The following ZNF277 variants were observed in gnomAD, a reference collection of about 807,000 sequenced individuals.
ZNF277 encodes the protein nuclear receptor-interacting factor 4.
In ZNF277, 55 loss-of-function variants were observed where a neutral mutation model predicts 60.7. That is an observed-to-expected ratio of 0.91 (90% confidence interval 0.73 to 1.13). ZNF277 has a LOEUF of 1.13. ZNF277 is among the 50% of genes most tolerant of loss of function. The probability of loss-of-function intolerance (pLI) is 0.00; values close to 1 mark genes in which losing one functional copy is unlikely to be tolerated. For missense variants in ZNF277, 510 were observed against 523.0 expected (o/e 0.98, Z 0.24); for synonymous variants, 178 against 179.3 (o/e 0.99, Z 0.06).
At chr7:112,298,389 A>G (rs1792400265) in intron 4 of ZNF277, among the ~76,000 whole-genome samples, 1 of 152,200 alleles carries the variant, frequency 6.6e-6, no homozygotes, top group South Asian at 2.1e-4. Flanking sequence ...AGAAAGATAC[A>G]TATGCATCTA....
intron 11 of ZNF277, 120 bp downstream of exon 11, chr7:112,341,166 A>T: frequency 1.1e-6 from 1 of 917,526 alleles, no homozygotes; most frequent in Non-Finnish European, 1.6e-6. Context: ...AAAAGTATAC[A>T]TCAGTACAGT....
At chr7:112,269,655 C>T (rs1180659326) in intron 1 of ZNF277, among the ~76,000 whole-genome samples, 1 of 152,036 alleles carries the variant, frequency 6.6e-6, no homozygotes, top group Non-Finnish European at 1.5e-5. Context: ...GGTTTTGGGT[C>T]ATAGCTTTCT....
At position 112,340,971 on chromosome 7, in the gene ZNF277, C is replaced by T; in HGVS notation, c.1109C>T (p.Ala370Val). 1 of 1,612,188 alleles carries T rather than the reference C, an allele frequency of 6.2e-7. No individual in the cohort carries two copies. The highest frequency in any genetic ancestry group is 8.5e-7 in the Non-Finnish European group (1 of 1,179,404). The change falls in exon 11 of 12, where the codon GCA becomes GTA. Residue 370 changes from alanine to valine, a missense_variant. Ala to Val is a moderately conservative substitution (Grantham distance 64, BLOSUM62 0). Transcript: ENST00000361822. ...TGCCATGTGAAGTTCAAATCCAAAGCAGACTTAAGAACTCACATGGAAGAA... is the reference window on the plus strand; with the variant it reads ...TGCCATGTGAAGTTCAAATCCAAAGTAGACTTAAGAACTCACATGGAAGAA... ...YGCHVKFKSK[A>V]DLRTHMEETK...
chr7:112,316,501 G>GT (rs1311443795), intron 4 of ZNF277, among the ~76,000 whole-genome samples: 2 of 151,788 alleles, frequency 1.3e-5, no homozygotes, highest in African/African-American at 4.8e-5. Context: ...ATTTTCTCCC[G>GT]TTCTGTAGGT....
intron 5 of ZNF277, among the ~76,000 whole-genome samples, chr7:112,318,935 T>A (rs528957239): frequency 1.7e-4 from 26 of 152,156 alleles, no homozygotes; most frequent in Middle Eastern, 3.4e-3. Context: ...GCACTGTACT[T>A]ATGATTACAG....
chr7:112,286,936 T>C lies in ZNF277; in HGVS notation c.155T>C (p.Leu52Ser), dbSNP rs764056350. 26 of 1,607,032 alleles carry C rather than the reference T, an allele frequency of 1.6e-5. No homozygotes were observed. The highest frequency in any genetic ancestry group is 3.4e-5 in the Admixed American group (2 of 58,810). Residue 52 changes from leucine (L) to serine (S), a missense_variant, in exon 2 of 12, where the codon TTA becomes TCA. Coordinates refer to ENST00000361822, the MANE Select transcript of ZNF277 (RefSeq NM_021994.3). ...GAAAGTCCAGGTGGCACCACCACTT[T>C]AGAAGGTTCTCCATCTGTGCCTTGT... ...LPESPGGTTT[L>S]EGSPSVPCIF... is the part of the protein sequence containing the mutation.
chr7:112,286,759 A>G, intron 1 of ZNF277, 114 bp from the exon 2 acceptor site: 1 of 874,800 alleles, frequency 1.1e-6, no homozygotes, highest in Non-Finnish European at 1.7e-6. Flanking sequence ...TTTTGGAGAC[A>G]TGTAAATATC....
intron 1 of ZNF277, among the ~76,000 whole-genome samples, chr7:112,232,592 G>T (rs1008700033): frequency 2.0e-5 from 3 of 152,128 alleles, no homozygotes; most frequent in Admixed American, 2.0e-4. Flanking sequence ...GGATTGAAAC[G>T]GTCTGCTCCC....
rs138458358 is a variant in ZNF277 at position 112,311,686 on chromosome 7, C to A, written c.466-6496C>A. ...ACAGCTAATTCTATCTGATGCTAAG[C>A]TTTATGAAGGAAAGAAAGAGTAAGG... is the stretch of plus-strand genomic sequence containing the variant. On this transcript the variant is annotated intron_variant, in intron 4 of 11. Coordinates refer to ENST00000361822, the MANE Select transcript of ZNF277 (RefSeq NM_021994.3). 2.5e-3 allele frequency among the ~76,000 whole-genome samples: 362 copies of A among 147,458 alleles called. 1 individual carries two copies. The highest frequency in any genetic ancestry group is 8.6e-3 in the African/African-American group (343 of 39,716).
intron 1 of ZNF277, among the ~76,000 whole-genome samples, chr7:112,245,764 T>C (rs1234716078): frequency 6.6e-6 from 1 of 152,204 alleles, no homozygotes; most frequent in African/African-American, 2.4e-5. Context: ...ATATCAGTCA[T>C]ATTGGATTAT....
chr7:112,237,153 G>T (rs1416509918), intron 1 of ZNF277, among the ~76,000 whole-genome samples: 4 of 152,114 alleles, frequency 2.6e-5, no homozygotes, highest in Admixed American at 2.6e-4. Flanking sequence ...AATTAAGATG[G>T]AAATTTAAAA....
At position 112,340,668 on chromosome 7, in the gene ZNF277, A is replaced by G. The variant is rs574922194; in HGVS notation, c.1010-204A>G. On this transcript the variant is annotated intron_variant, in intron 10 of 11. Transcript: ENST00000361822. The stretch of plus-strand genomic sequence containing the variant: ...TTATGAAGATTAAATGTATTAATAC[A>G]TGGAAAATTATTAGAATAGTGCCTA... 3.3e-5 allele frequency among the ~76,000 whole-genome samples: 5 copies of G among 152,356 alleles called. No homozygotes were observed. The South Asian group carries it at 1.0e-3, about 32-fold the overall frequency.
intron 1 of ZNF277, among the ~76,000 whole-genome samples, chr7:112,256,472 C>T (rs1325244342): frequency 6.9e-6 from 1 of 145,776 alleles, no homozygotes; most frequent in Non-Finnish European, 1.5e-5. Context: ...CTCTGTCACC[C>T]AGACTAGAGT....
At chr7:112,229,025 G>T (rs369235618) in intron 1 of ZNF277, among the ~76,000 whole-genome samples, 44 of 152,300 alleles carry the variant, frequency 2.9e-4, no homozygotes, top group African/African-American at 1.0e-3. Flanking sequence ...TTAACATCCT[G>T]CATGAAGGGA....
chr7:112,280,588 A>G (rs888718631), intron 1 of ZNF277, among the ~76,000 whole-genome samples: 2 of 152,002 alleles, frequency 1.3e-5, no homozygotes, highest in African/African-American at 4.8e-5. Context: ...TTTAGGGTTC[A>G]AGGTCCCTGT....
At chr7:112,260,215 G>A (rs973899163) in intron 1 of ZNF277, among the ~76,000 whole-genome samples, 1 of 152,114 alleles carries the variant, frequency 6.6e-6, no homozygotes, top group African/African-American at 2.4e-5. Flanking sequence ...GCAGTGAGCC[G>A]TGATCACACC....
At chr7:112,323,602 G>A (rs1424195048) in intron 5 of ZNF277, among the ~76,000 whole-genome samples, 3 of 152,162 alleles carry the variant, frequency 2.0e-5, no homozygotes, top group Admixed American at 2.0e-4. Flanking sequence ...ATGGAATGGG[G>A]CAAATTAAAA....
rs553332831 is a variant in ZNF277, at chr7:112,238,256, G to A, written c.91+31449G>A. 4.1e-4 allele frequency among the ~76,000 whole-genome samples: 63 copies of A among 152,360 alleles called. No individual in the cohort carries two copies. In the South Asian group the frequency reaches 6.4e-3, roughly 16 times the overall value. On this transcript the variant is annotated intron_variant, in intron 1 of 11. Transcript: ENST00000361822. ...AGAGAGTGCTTAGGGGAGGGAGAGC[G>A]CAGTAATTGTGGGGCATTGCATTGG...
At chr7:112,231,058 C>CA (rs1450466455) in intron 1 of ZNF277, among the ~76,000 whole-genome samples, 1 of 151,914 alleles carries the variant, frequency 6.6e-6, no homozygotes, top group Non-Finnish European at 1.5e-5. Flanking sequence ...ATTAAAAACA[C>CA]AAAAAATTAG....
Sources: gnomAD v4.1 joint callset for allele counts (sites outside exome capture counted in the v4.1 genomes callset) on GRCh38, gnomAD v4.1.1 for gene constraint, MANE v1.5 for transcripts, NCBI Gene and HGNC (gene_info 2026-07-23, HGNC 2026-07-21) for gene names.